KCNA6: variants seen among roughly 807,000 people sequenced by gnomAD.
KCNA6 encodes potassium voltage-gated channel subfamily A member 6.
In KCNA6, 17 loss-of-function variants were observed where a neutral mutation model predicts 29.5. The ratio of observed to expected loss-of-function variants is 0.58; its 90% CI spans 0.39 to 0.86. The LOEUF (loss-of-function observed/expected upper bound fraction) is 0.86, where lower values mean the gene tolerates loss of function less well. KCNA6 is among the 40% of genes least tolerant of loss of function. The probability of loss-of-function intolerance (pLI) is 0.00; values close to 1 mark genes in which losing one functional copy is unlikely to be tolerated. For synonymous variants in KCNA6, 296 were observed against 304.7 expected (o/e 0.97, Z 0.30); for missense variants, 450 against 703.4 (o/e 0.64, Z 4.07).
the KCNA6 span, among the ~76,000 whole-genome samples, chr12:4,837,665 T>G: frequency 2.6e-5 from 4 of 152,058 alleles, no homozygotes; most frequent in African/African-American, 9.7e-5. Flanking sequence ...GAGGAAGAAG[T>G]TTGTGTTTTT....
At chr12:4,829,736 C>T in the KCNA6 span, among the ~76,000 whole-genome samples, 2 of 152,200 alleles carry the variant, frequency 1.3e-5, no homozygotes, top group African/African-American at 4.8e-5. Context: ...TTCTTGTGTG[C>T]AGCCATAGTT....
the KCNA6 span, among the ~76,000 whole-genome samples, chr12:4,834,135 A>G: frequency 1.3e-5 from 2 of 151,870 alleles, no homozygotes; most frequent in Admixed American, 1.3e-4. Context: ...GGGTCTTGCT[A>G]TGTTTCCCAG....
chr12:4,828,044 C>T, the KCNA6 span, among the ~76,000 whole-genome samples: 6 of 152,188 alleles, frequency 3.9e-5, no homozygotes, highest in Non-Finnish European at 8.8e-5. Flanking sequence ...TCCCATAACC[C>T]CCCCACCAGA....
At chr12:4,840,440 T>A in the KCNA6 span, among the ~76,000 whole-genome samples, 2 of 152,128 alleles carry the variant, frequency 1.3e-5, no homozygotes, top group South Asian at 4.1e-4. Flanking sequence ...TGAGATACCA[T>A]CTCACACCAG....
chr12:4,845,984 G>GTTGTT, the KCNA6 span, among the ~76,000 whole-genome samples: 1 of 129,464 alleles, frequency 7.7e-6, no homozygotes, highest in Non-Finnish European at 1.6e-5. Context: ...GAATTTTAGA[G>GTTGTT]TTTTTTTTTT....
At chr12:4,846,272 C>T in the KCNA6 span, among the ~76,000 whole-genome samples, 1 of 151,988 alleles carries the variant, frequency 6.6e-6, no homozygotes, top group African/African-American at 2.4e-5. Context: ...ACTAACATTG[C>T]TTTTTAATTT....
chr12:4,823,129 T>C, the KCNA6 span, among the ~76,000 whole-genome samples: 1 of 152,328 alleles, frequency 6.6e-6, no homozygotes, highest in South Asian at 2.1e-4. Flanking sequence ...CCTCACTTGT[T>C]CCAACAGATG....
downstream of KCNA6, chr12:4,813,493 A>C (rs923854632): frequency 1.2e-5 from 2 of 167,034 alleles, no homozygotes; most frequent in African/African-American, 4.8e-5. Context: ...GCCATTATGG[A>C]CCATTGGCTC....
At position 4,811,074 on chromosome 12, in the gene KCNA6, C is replaced by T. The variant is rs754254659; in HGVS notation, c.1033C>T (p.Arg345Cys). The T allele has an allele frequency of 3.7e-6, 6 of 1,613,808 alleles. No individual in the cohort carries two copies. Among genetic ancestry groups the T allele is most frequent in the African/African-American group, 2.7e-5 (2 of 74,916 alleles). ...GTCCCTGGCCATCCTCCGAGTCATC[C>T]GCCTGGTCCGGGTGTTCCGCATCTT... Residue 345 changes from arginine to cysteine, a missense_variant, in exon 1 of 1, where the codon CGC becomes TGC. By Grantham distance (180) the Arg-to-Cys change is radical. Transcript: ENST00000280684. This position sits in a 1 kb window ranked among gnomAD's most constrained non-coding sequence, Gnocchi z 7.1.
chr12:4,816,448 A>T (rs559901657), downstream of KCNA6, among the ~76,000 whole-genome samples: 1 of 152,152 alleles, frequency 6.6e-6, no homozygotes, highest in Non-Finnish European at 1.5e-5. Context: ...TATGTTGAAC[A>T]TTATTCATTA....
the KCNA6 span, among the ~76,000 whole-genome samples, chr12:4,842,838 T>C: frequency 6.6e-6 from 1 of 151,892 alleles, no homozygotes; most frequent in African/African-American, 2.4e-5. Context: ...GATTTGTGAG[T>C]GAAAGTATCA....
the KCNA6 span, among the ~76,000 whole-genome samples, chr12:4,822,640 G>A: frequency 7.2e-5 from 11 of 152,316 alleles, no homozygotes; most frequent in South Asian, 4.1e-4. Context: ...AAACTTCTGC[G>A]TTCAGAGATG....
rs191572472 is a variant in KCNA6, at chr12:4,811,853, C to A, written c.*222C>A. ...CTAAGTGACATTTTTGAAATTCCAG[C>A]GGTGCCACCCAATCATGCCCAGCTT... On this transcript the variant is annotated 3_prime_UTR_variant, in exon 1 of 1. Coordinates refer to ENST00000280684, the Ensembl canonical transcript of KCNA6. The surrounding 1 kb of genome is among the most constrained non-coding windows in gnomAD (Gnocchi z 7.1). 3.6e-6 allele frequency: 2 copies of A among 556,332 alleles called. No homozygotes were observed. Among genetic ancestry groups the A allele is most frequent in the African/African-American group, 1.9e-5 (1 of 53,138 alleles). The allele number at this position is 556,332 out of a possible 1,614,324, so 34.5% of individuals were successfully genotyped here.
chr12:4,832,817 T>C, the KCNA6 span, among the ~76,000 whole-genome samples: 2 of 152,318 alleles, frequency 1.3e-5, no homozygotes, highest in South Asian at 4.1e-4. Flanking sequence ...AGTCTTTATG[T>C]GGACTGGACC....
In KCNA6 at chr12:4,813,242, C is replaced by A. The variant is rs569458396; in HGVS notation, c.*1611C>A. On this transcript the variant is annotated 3_prime_UTR_variant, in exon 1 of 1. Coordinates refer to ENST00000280684, the Ensembl canonical transcript of KCNA6. The stretch of plus-strand genomic sequence containing the variant: ...TGCCAGCTCTAAATCTCGATCTTGC[C>A]ATAACTTTACAGGGTAACTTGGGTC... The A allele has an allele frequency of 2.4e-5, 4 of 167,058 alleles. No homozygotes were observed. In the East Asian group the frequency reaches 7.7e-4, roughly 32 times the overall value. The allele number at this position is 167,058 out of a possible 1,614,324, so 10.3% of individuals were successfully genotyped here.
chr12:4,845,778 G>T, the KCNA6 span, among the ~76,000 whole-genome samples: 1 of 151,908 alleles, frequency 6.6e-6, no homozygotes, highest in Non-Finnish European at 1.5e-5. Context: ...TTAGTCTAAG[G>T]GTAAAAAGGT....
At chr12:4,817,753 T>A (rs1042608062), downstream of KCNA6, among the ~76,000 whole-genome samples, 1 of 152,220 alleles carries the variant, frequency 6.6e-6, no homozygotes, top group Non-Finnish European at 1.5e-5. Flanking sequence ...ATTACAATTT[T>A]TTTTTTAATC....
the KCNA6 span, among the ~76,000 whole-genome samples, chr12:4,848,024 C>A: frequency 6.6e-6 from 1 of 152,236 alleles, no homozygotes; most frequent in Non-Finnish European, 1.5e-5. Context: ...ACTTTCCCCT[C>A]ACACTTAACT....
the KCNA6 span, among the ~76,000 whole-genome samples, chr12:4,827,371 A>G: frequency 5.9e-5 from 9 of 152,192 alleles, no homozygotes; most frequent in South Asian, 1.9e-3. Context: ...TGCAAAATAA[A>G]CATTCCTTGG....
Sources: allele counts gnomAD v4.1 joint callset (sites outside exome capture counted in the v4.1 genomes callset), GRCh38; gene constraint gnomAD v4.1.1; non-coding constraint Gnocchi (gnomAD v3.1); transcripts MANE v1.5; gene names NCBI Gene and HGNC (gene_info 2026-07-23, HGNC 2026-07-21).